PCSK6: variants seen among roughly 807,000 people sequenced by gnomAD.
The protein encoded by PCSK6 is paired basic amino acid cleaving enzyme 4.
Under a neutral mutation model 123.3 loss-of-function variants are expected in PCSK6, and 85 were observed. The ratio of observed to expected loss-of-function variants is 0.69; its 90% CI spans 0.58 to 0.83. The LOEUF (loss-of-function observed/expected upper bound fraction) is 0.83. Among genes scored for constraint, PCSK6 ranks in the 40% least tolerant of loss-of-function variants. The pLI is 0.00. For missense variants in PCSK6, 1,191 were observed against 1,282.3 expected, an observed-to-expected ratio of 0.93 and a Z score of 1.09; for synonymous variants, 508 against 516.0, an observed-to-expected ratio of 0.98 and a Z score of 0.21.
At chr15:101,464,864 C>A (rs1228016582) in intron 1 of PCSK6, among the ~76,000 whole-genome samples, 1 of 152,176 alleles carries the variant, frequency 6.6e-6, no homozygotes, top group Non-Finnish European at 1.5e-5. Flanking sequence ...TCCCACAGCA[C>A]CAGGTTCCCA....
At chr15:101,484,710 C>T (rs951263191) in intron 1 of PCSK6, among the ~76,000 whole-genome samples, 2 of 152,152 alleles carry the variant, frequency 1.3e-5, no homozygotes, top group Non-Finnish European at 2.9e-5. Context: ...TGTTTCTTAA[C>T]GTTTACATGA....
Position 101,456,767 on chromosome 15 carries a change from C to T in PCSK6, c.298-13107G>A, listed in dbSNP as rs550041344. Among the ~76,000 whole-genome samples, 11 of 152,132 alleles carry T rather than the reference C, an allele frequency of 7.2e-5. 1 individual carries two copies. The South Asian group carries it at 1.9e-3, about 26-fold the overall frequency. ...CTCGTCTTTCGAGGCAAGATGGAGC[C>T]GGGGAGAGAAAGGGGGAATACACAA... is the stretch of plus-strand genomic sequence containing the variant. On this transcript the variant is annotated intron_variant, in intron 1 of 21. Transcript: ENST00000611716.
At chr15:101,411,632 C>T (rs80161271) in intron 6 of PCSK6, among the ~76,000 whole-genome samples, 2,225 of 152,210 alleles carry the variant, frequency 0.015, 47 homozygotes, top group African/African-American at 0.049. Context: ...AGGGACCCGA[C>T]GAGACAGGGC....
rs1190576635 is a variant in PCSK6 at position 101,427,926 on chromosome 15, G to A, written c.789C>T (p.Cys263=). ...TGGCATTGTACGCTATGCCCACGAT[G>A]CAGTAGGAATTGTTTGCTGAAGCAG... The part of the protein sequence containing the change: ...EVAASANNSY[C]IVGIAYNAKI... Residue 263 remains cysteine, a synonymous_variant, in exon 6 of 22, where the codon TGC becomes TGT. Coordinates refer to ENST00000611716, the MANE Select transcript of PCSK6 (RefSeq NM_002570.5). The A allele has an allele frequency of 6.3e-7, 1 of 1,587,858 alleles. No homozygotes were observed. Among genetic ancestry groups the A allele is most frequent in the Non-Finnish European group, 8.6e-7 (1 of 1,166,864 alleles).
At chr15:101,445,054 C>T (rs1405102032) in intron 1 of PCSK6, among the ~76,000 whole-genome samples, 1 of 152,160 alleles carries the variant, frequency 6.6e-6, no homozygotes, top group African/African-American at 2.4e-5. Context: ...CTTCAGCTTG[C>T]TCCAGTGTGT....
chr15:101,405,830 CCT>C (rs2042760135), intron 6 of PCSK6, among the ~76,000 whole-genome samples: 1 of 152,084 alleles, frequency 6.6e-6, no homozygotes, highest in South Asian at 2.1e-4. Context: ...TGCAACCTCG[CCT>C]CCCAGGTTCG....
intron 1 of PCSK6, among the ~76,000 whole-genome samples, chr15:101,484,949 C>T (rs4965884): frequency 0.15 from 22,913 of 152,194 alleles, 2,047 homozygotes; most frequent in Middle Eastern, 0.24. Flanking sequence ...TTTGTGCACA[C>T]GTGGGAGAGT....
At position 101,466,590 on chromosome 15, in the gene PCSK6, C is replaced by CA. The variant is rs559212047; in HGVS notation, c.297+22783dup. 5.3e-3 allele frequency among the ~76,000 whole-genome samples: 800 copies of CA among 152,310 alleles called. 6 individuals are homozygous for CA. The highest frequency in any genetic ancestry group is 0.018 in the African/African-American group (731 of 41,574). On this transcript the variant is annotated intron_variant, in intron 1 of 21. Coordinates refer to ENST00000611716, the MANE Select transcript of PCSK6 (RefSeq NM_002570.5). Reference sequence around the variant, plus strand: ...TTCACAACAGCAAAAAACCTGGGAACAACCTAAATGTCCATCGGTTGATAA... The same window carrying CA: ...TTCACAACAGCAAAAAACCTGGGAACAAACCTAAATGTCCATCGGTTGATAA...
chr15:101,472,060 C>G (rs2057618855), intron 1 of PCSK6, among the ~76,000 whole-genome samples: 1 of 152,066 alleles, frequency 6.6e-6, no homozygotes, highest in Non-Finnish European at 1.5e-5. Context: ...ACCCAGAAAA[C>G]TCCATAATCC....
chr15:101,489,207 C>A (rs1364134370), intron 1 of PCSK6, among the ~76,000 whole-genome samples, 167 bp downstream of exon 1: 1 of 58,772 alleles, frequency 1.7e-5, no homozygotes, highest in Non-Finnish European at 4.3e-5. Context: ...CGGGCGACAC[C>A]CCCCCCCGCA....
At chr15:101,327,836 T>G (rs772601269) in intron 15 of PCSK6, among the ~76,000 whole-genome samples, 13 of 152,098 alleles carry the variant, frequency 8.5e-5, no homozygotes, top group Non-Finnish European at 1.5e-4. Context: ...GGGCTTTGCG[T>G]GTCCCGGTTC....
intron 3 of PCSK6, 126 bp downstream of exon 3, chr15:101,431,864 C>G (rs1200978576): frequency 1.3e-6 from 1 of 751,674 alleles, no homozygotes; most frequent in Non-Finnish European, 2.3e-6. Flanking sequence ...GGTTTTACAC[C>G]CTCAAGGTGA....
chr15:101,349,292 C>T (rs76826237), intron 13 of PCSK6, among the ~76,000 whole-genome samples: 3,508 of 152,258 alleles, frequency 0.023, 136 homozygotes, highest in African/African-American at 0.08. Flanking sequence ...TTGTTTTTCT[C>T]GGGAAAAGTG....
rs563249681 is a variant in PCSK6, at chr15:101,358,182, G to A, written c.1858+8014C>T. Reference sequence around the variant, plus strand: ...AGCCCTGAGAAGTCTCACCCCTGGGGGTAGGCGGAGTAAGGCAGGTCATAT... The same window carrying A: ...AGCCCTGAGAAGTCTCACCCCTGGGAGTAGGCGGAGTAAGGCAGGTCATAT... On this transcript the variant is annotated intron_variant, in intron 13 of 21. Coordinates refer to ENST00000611716, the MANE Select transcript of PCSK6 (RefSeq NM_002570.5). Among the ~76,000 whole-genome samples the A allele has an allele frequency of 6.1e-4, 93 of 152,288 alleles. 1 individual carries two copies. The South Asian group carries it at 0.019, about 31-fold the overall frequency.
intron 20 of PCSK6, 138 bp downstream of exon 20, chr15:101,313,238 G>A: frequency 6.4e-7 from 1 of 1,558,196 alleles, no homozygotes; most frequent in Non-Finnish European, 8.7e-7. Flanking sequence ...CAGCAGCTCT[G>A]TAAATGGGCT....
At position 101,332,009 on chromosome 15, in the gene PCSK6, G is replaced by A. The variant is rs1270601988; in HGVS notation, c.1881C>T (p.Leu627=). 38 of 1,603,096 alleles carry A rather than the reference G, an allele frequency of 2.4e-5. No homozygotes were observed. Among genetic ancestry groups the A allele is most frequent in the Non-Finnish European group, 3.2e-5 (37 of 1,172,656 alleles). ...EKQGKLKEWS[L]ILYGTAEHPY... ...GGTGCTCTGCTGTGCCATACAGTAT[G>A]AGGCTCCATTCTTTCAACTTCCCTG... The change falls in exon 14 of 22, where the codon CTC becomes CTT. Residue 627 remains leucine, a synonymous_variant. Transcript: ENST00000611716.
intron 1 of PCSK6, among the ~76,000 whole-genome samples, chr15:101,467,812 G>C (rs1273541417): frequency 1.3e-5 from 2 of 152,158 alleles, no homozygotes; most frequent in Non-Finnish European, 1.5e-5. Flanking sequence ...CAAAACCAAA[G>C]CTAAGCAACA....
chr15:101,372,262 G>A (rs1444809835), intron 11 of PCSK6, among the ~76,000 whole-genome samples: 1 of 152,142 alleles, frequency 6.6e-6, no homozygotes, highest in Admixed American at 6.5e-5. Context: ...CTTATTACGG[G>A]GAGCGCTTTT....
At chr15:101,443,732 A>G (rs2056817431) in intron 1 of PCSK6, 72 bp from the exon 2 acceptor site, 2 of 1,068,696 alleles carry the variant, frequency 1.9e-6, no homozygotes, top group African/African-American at 1.6e-5. Context: ...CCACCCCACA[A>G]GAATCTCCCC....
Sources: allele counts gnomAD v4.1 joint callset (sites outside exome capture counted in the v4.1 genomes callset), GRCh38; gene constraint gnomAD v4.1.1; transcripts MANE v1.5; gene names NCBI Gene and HGNC (gene_info 2026-07-23, HGNC 2026-07-21).